The following FSTL4 variants were observed in gnomAD, a reference collection of about 807,000 sequenced individuals.
The protein encoded by FSTL4 is follistatin like 4.
Under a neutral mutation model 78.2 loss-of-function variants are expected in FSTL4, and 28 were observed. The observed-to-expected ratio is 0.36, with a 90% CI of 0.27 to 0.49. The LOEUF (loss-of-function observed/expected upper bound fraction) is 0.49. Ranked by LOEUF, FSTL4 falls within the 20% of genes least tolerant of loss-of-function variation. The probability of loss-of-function intolerance (pLI) is 0.98; values close to 1 mark genes in which losing one functional copy is unlikely to be tolerated. For missense variants in FSTL4, 922 were observed against 1,084.9 expected (o/e 0.85, Z 2.11); for synonymous variants, 422 against 440.5 (o/e 0.96, Z 0.53).
intron 11 of FSTL4, 24 bp from the exon 12 acceptor site, chr5:133,220,890 C>T: frequency 1.4e-6 from 2 of 1,384,580 alleles, no homozygotes; most frequent in Non-Finnish European, 2.1e-6. Flanking sequence ...ATGGAATGGG[C>T]ATGCCCTCCA....
At chr5:133,738,750 C>T in the FSTL4 span, among the ~76,000 whole-genome samples, 2 of 152,168 alleles carry the variant, frequency 1.3e-5, no homozygotes, top group African/African-American at 4.8e-5. Flanking sequence ...CAAGTGACCA[C>T]AACATGGACA....
chr5:133,643,826 C>T, the FSTL4 span, among the ~76,000 whole-genome samples: 8 of 152,112 alleles, frequency 5.3e-5, no homozygotes, highest in Non-Finnish European at 1.0e-4. Context: ...GAGAGAAAAT[C>T]GAATGAAGCC....
the FSTL4 span, among the ~76,000 whole-genome samples, chr5:133,733,599 G>A: frequency 1.3e-5 from 2 of 152,142 alleles, no homozygotes; most frequent in Non-Finnish European, 2.9e-5. Flanking sequence ...TATTTCTATA[G>A]CATGAAAAAA....
At chr5:133,343,478 A>G (rs540811259) in intron 4 of FSTL4, among the ~76,000 whole-genome samples, 1 of 152,260 alleles carries the variant, frequency 6.6e-6, no homozygotes, top group Non-Finnish European at 1.5e-5. Flanking sequence ...AGGACTTTTC[A>G]AAACACTGCG....
intron 6 of FSTL4, among the ~76,000 whole-genome samples, chr5:133,306,435 T>C (rs1196539325): frequency 6.6e-6 from 1 of 152,220 alleles, no homozygotes; most frequent in Non-Finnish European, 1.5e-5. Flanking sequence ...GGATGAGAGC[T>C]TTCTAGTGTG....
chr5:133,202,066 A>T, intron 14 of FSTL4, 24 bp from the exon 15 acceptor site: 2 of 1,507,016 alleles, frequency 1.3e-6, no homozygotes, highest in Non-Finnish European at 1.8e-6. Flanking sequence ...TGGGAATCCT[A>T]GTGAGGGCCC....
At chr5:133,327,268 G>C (rs1754236258) in intron 4 of FSTL4, among the ~76,000 whole-genome samples, 1 of 152,214 alleles carries the variant, frequency 6.6e-6, no homozygotes, top group Non-Finnish European at 1.5e-5. Context: ...CCTCTAGAAG[G>C]TCTGCAGGTC....
intron 3 of FSTL4, among the ~76,000 whole-genome samples, chr5:133,444,718 G>A (rs759333111): frequency 4.6e-5 from 7 of 152,052 alleles, no homozygotes; most frequent in Non-Finnish European, 7.4e-5. Flanking sequence ...GGAGCTGGAT[G>A]GGCCTGTCCT....
At chr5:133,770,830 G>A in the FSTL4 span, among the ~76,000 whole-genome samples, 2 of 151,900 alleles carry the variant, frequency 1.3e-5, no homozygotes, top group Non-Finnish European at 2.9e-5. Flanking sequence ...GTTTTTCATA[G>A]GTTTTCTTCT....
chr5:133,316,749 AC>A, intron 4 of FSTL4, 97 bp from the exon 5 acceptor site: 1 of 1,011,026 alleles, frequency 9.9e-7, no homozygotes, highest in Non-Finnish European at 1.5e-6. Context: ...ACAAATAGCC[AC>A]CAGGCGTTCA....
At chr5:133,729,257 A>T in the FSTL4 span, among the ~76,000 whole-genome samples, 2 of 137,860 alleles carry the variant, frequency 1.5e-5, no homozygotes, top group African/African-American at 2.9e-5. Context: ...ACACACACAC[A>T]CACTCATACC....
At chr5:133,210,414 G>C (rs1750670815) in intron 13 of FSTL4, 116 bp from the exon 14 acceptor site, 1 of 519,840 alleles carries the variant, frequency 1.9e-6, no homozygotes, top group South Asian at 3.5e-5. Flanking sequence ...CCTTGCCAAT[G>C]GTTCCATTTG....
At chr5:133,676,107 A>G in the FSTL4 span, among the ~76,000 whole-genome samples, 11 of 152,342 alleles carry the variant, frequency 7.2e-5, no homozygotes, top group African/African-American at 2.6e-4. Flanking sequence ...AGGATTTAAG[A>G]GGCGTCGTTA....
At chr5:133,251,440 T>G (rs1331746154) in intron 6 of FSTL4, among the ~76,000 whole-genome samples, 1 of 152,140 alleles carries the variant, frequency 6.6e-6, no homozygotes, top group Non-Finnish European at 1.5e-5. Context: ...GGCCCAATTT[T>G]CCCAGATAAC....
intron 6 of FSTL4, among the ~76,000 whole-genome samples, chr5:133,269,846 G>A (rs967656393): frequency 2.0e-5 from 3 of 152,222 alleles, no homozygotes; most frequent in African/African-American, 7.2e-5. Context: ...TGGGTTTGGT[G>A]AACACTGTGC....
intron 8 of FSTL4, 84 bp downstream of exon 8, chr5:133,233,331 CAG>C: frequency 1.4e-6 from 2 of 1,419,356 alleles, no homozygotes; most frequent in African/African-American, 1.4e-5. Flanking sequence ...TTTAAGAAGA[CAG>C]AATACAGGAG....
intron 6 of FSTL4, among the ~76,000 whole-genome samples, chr5:133,255,009 G>A (rs1752350676): frequency 6.6e-6 from 1 of 152,206 alleles, no homozygotes; most frequent in African/African-American, 2.4e-5. Context: ...CCCTCTAGGG[G>A]GCAACGAGTG....
At chr5:133,566,992 G>A (rs1045569196) in intron 3 of FSTL4, among the ~76,000 whole-genome samples, 194 bp downstream of exon 3, 5 of 152,308 alleles carry the variant, frequency 3.3e-5, no homozygotes, top group Middle Eastern at 3.4e-3. Flanking sequence ...AGAAGTCATA[G>A]TTTTCACAAG....
chr5:133,763,426 G>C, the FSTL4 span, among the ~76,000 whole-genome samples: 2 of 152,174 alleles, frequency 1.3e-5, no homozygotes, highest in African/African-American at 4.8e-5. Flanking sequence ...CTCCTTCCTT[G>C]GTTTTCTTGA....
Sources: allele counts gnomAD v4.1 joint callset (sites outside exome capture counted in the v4.1 genomes callset), GRCh38; gene constraint gnomAD v4.1.1; transcripts MANE v1.5; gene names NCBI Gene and HGNC (gene_info 2026-07-23, HGNC 2026-07-21).